The following GNA13 variants were observed in gnomAD, a reference collection of about 807,000 sequenced individuals.
GNA13 encodes the protein G protein subunit alpha 13.
GNA13 carries 4 observed loss-of-function variants against 33.5 expected under a neutral mutation model. That is an observed-to-expected ratio of 0.12 (90% CI 0.06 to 0.27). The LOEUF (loss-of-function observed/expected upper bound fraction) is 0.27. Ranked by LOEUF, GNA13 falls within the 10% of genes least tolerant of loss-of-function variation. GNA13 has a pLI of 1.00. For missense variants in GNA13, 319 were observed against 487.2 expected (o/e 0.65, Z 3.25); for synonymous variants, 176 against 183.8 (o/e 0.96, Z 0.34).
intron 2 of GNA13, among the ~76,000 whole-genome samples, chr17:65,033,460 C>A (rs1271567949): frequency 6.6e-6 from 1 of 151,638 alleles, no homozygotes; most frequent in Non-Finnish European, 1.5e-5. Flanking sequence ...GCACTCCAGC[C>A]TGGGTGACAA....
At position 65,031,858 on chromosome 17, in the gene GNA13, G is replaced by A. The variant is rs569042610; in HGVS notation, c.511-13555C>T. Among the ~76,000 whole-genome samples, 233 of 115,000 alleles carry A rather than the reference G, an allele frequency of 2.0e-3. 3 individuals carry two copies. The highest frequency in any genetic ancestry group is 6.7e-3 in the African/African-American group (222 of 32,956). 75.4% of individuals were successfully genotyped at this position (115,000 alleles called of 152,430 possible). ...GAGCCCAGGAGTTCTACACCAACCCGGACAACATAGAGAGAGAGAGAGAGA... is the reference window on the plus strand; with the variant it reads ...GAGCCCAGGAGTTCTACACCAACCCAGACAACATAGAGAGAGAGAGAGAGA... On this transcript the variant is annotated intron_variant, in intron 2 of 3. Transcript: ENST00000439174.
chr17:65,014,871 G>T lies in GNA13; in HGVS notation c.562-42C>A. On this transcript the variant is annotated intron_variant, in intron 3 of 3. Transcript: ENST00000439174. The surrounding 1 kb of genome is among the most constrained non-coding windows in gnomAD (Gnocchi z 5.3). The stretch of plus-strand genomic sequence containing the variant: ...TTGTTTTATACCTATTAATCCCGAA[G>T]TAATGCGAATTTTTAATGGACTACT... 8.0e-7 allele frequency: 1 copy of T among 1,257,688 alleles called. No individual in the cohort carries two copies. The highest frequency in any genetic ancestry group is 1.3e-5 in the South Asian group (1 of 75,336). The allele number at this position is 1,257,688 out of a possible 1,614,324, so 77.9% of individuals were successfully genotyped here.
chr17:65,020,456 T>C (rs1050417874), intron 2 of GNA13, among the ~76,000 whole-genome samples: 9 of 152,190 alleles, frequency 5.9e-5, no homozygotes, highest in African/African-American at 2.2e-4. Flanking sequence ...TCTCCTTTCC[T>C]CATAGGCCAT....
At chr17:65,034,012 CAAAAAAAAAAAAA>C (rs780895691) in intron 2 of GNA13, among the ~76,000 whole-genome samples, 15 of 50,078 alleles carry the variant, frequency 3.0e-4, no homozygotes, top group South Asian at 1.3e-3. Context: ...GACTCCGTCT[CAAAAAAAAAAAAA>C]AAAAAAAAAA....
intron 2 of GNA13, among the ~76,000 whole-genome samples, chr17:65,044,999 C>T (rs181509325): frequency 4.0e-5 from 6 of 148,738 alleles, no homozygotes; most frequent in East Asian, 2.0e-4. Context: ...GCCAAGATCA[C>T]GCCACTGCAC....
At chr17:65,044,015 G>C (rs765538333) in intron 2 of GNA13, among the ~76,000 whole-genome samples, 34 of 152,314 alleles carry the variant, frequency 2.2e-4, no homozygotes, top group South Asian at 4.1e-4. Context: ...TCAGCTACTC[G>C]GGAGATTGAG....
rs767856252 is a variant in GNA13 at position 65,013,923 on chromosome 17, T to C, written c.*334A>G. The C allele has an allele frequency of 4.6e-5, 14 of 305,624 alleles. No individual in the cohort carries two copies. The highest frequency in any genetic ancestry group is 2.3e-4 in the African/African-American group (11 of 47,702). 18.9% of individuals were successfully genotyped at this position (305,624 alleles called of 1,614,324 possible). On this transcript the variant is annotated 3_prime_UTR_variant, in exon 4 of 4. Coordinates refer to ENST00000439174, the MANE Select transcript of GNA13 (RefSeq NM_006572.6). ...AAGTATTTAAGGACACCTTTGATAC[T>C]TGGCACTGCAGGAGAATTCAGTTTG...
intron 2 of GNA13, among the ~76,000 whole-genome samples, chr17:65,037,906 T>C (rs1052591299): frequency 1.6e-4 from 24 of 150,334 alleles, no homozygotes; most frequent in African/African-American, 2.7e-4. Context: ...AGACATTAAA[T>C]ATCTCCTAGA....
At chr17:65,050,976 C>T (rs1266181823) in intron 2 of GNA13, among the ~76,000 whole-genome samples, 2 of 152,100 alleles carry the variant, frequency 1.3e-5, no homozygotes, top group South Asian at 2.1e-4. Context: ...TTTACCTATT[C>T]GTTCTTAATC....
intron 2 of GNA13, among the ~76,000 whole-genome samples, chr17:65,028,260 G>A (rs868806903): frequency 6.6e-6 from 1 of 151,706 alleles, no homozygotes; most frequent in South Asian, 2.1e-4. Context: ...CAAACATTAG[G>A]CGGGCATAGT....
intron 2 of GNA13, among the ~76,000 whole-genome samples, chr17:65,021,673 G>C (rs1248780762): frequency 6.6e-6 from 1 of 152,198 alleles, no homozygotes; most frequent in Non-Finnish European, 1.5e-5. Flanking sequence ...CTGATCTGCT[G>C]TTTTAGAACA....
intron 2 of GNA13, among the ~76,000 whole-genome samples, chr17:65,034,942 C>T (rs768764299): frequency 6.6e-6 from 1 of 152,156 alleles, no homozygotes; most frequent in Non-Finnish European, 1.5e-5. Context: ...TGTAACACCA[C>T]GCCTGGCTAA....
intron 2 of GNA13, among the ~76,000 whole-genome samples, chr17:65,033,311 C>T (rs1907119339): frequency 6.7e-6 from 1 of 149,078 alleles, no homozygotes; most frequent in Non-Finnish European, 1.5e-5. Flanking sequence ...AAAGCAAGAC[C>T]CCATCTCTAA....
In GNA13 at chr17:65,041,510, A is replaced by AT. The variant is rs201936527; in HGVS notation, c.510+11991_510+11992insA. 3.3e-3 allele frequency among the ~76,000 whole-genome samples: 504 copies of AT among 152,150 alleles called. 1 individual carries two copies. The highest frequency in any genetic ancestry group is 0.011 in the African/African-American group (476 of 41,456). Reference sequence around the variant, plus strand: ...AAAAAACATGGAATCTAAAAAAAAAAATATATATGTATTTTGTGAACATAT... The same window carrying AT: ...AAAAAACATGGAATCTAAAAAAAAAATATATATATGTATTTTGTGAACATAT... On this transcript the variant is annotated intron_variant, in intron 2 of 3. Transcript: ENST00000439174.
At chr17:65,034,012 C>CAAAAAAAA (rs780895691) in intron 2 of GNA13, among the ~76,000 whole-genome samples, 11 of 50,080 alleles carry the variant, frequency 2.2e-4, no homozygotes, top group Non-Finnish European at 3.5e-4. Flanking sequence ...GACTCCGTCT[C>CAAAAAAAA]AAAAAAAAAA....
intron 2 of GNA13, among the ~76,000 whole-genome samples, chr17:65,022,603 C>A (rs1371291235): frequency 1.3e-5 from 2 of 152,102 alleles, no homozygotes; most frequent in Non-Finnish European, 2.9e-5. Context: ...TTTCTTCAAT[C>A]CTCCCAACCC....
Position 65,014,421 on chromosome 17 carries a change from T to C in GNA13, c.970A>G (p.Lys324Glu). ...TTCCGGAAACATTCCACCAGGAATTTTTGGACGTCTCTTAAGCAGTGGGGA... is the reference window on the plus strand; with the variant it reads ...TTCCGGAAACATTCCACCAGGAATTCTTGGACGTCTCTTAAGCAGTGGGGA... Reference protein sequence around the residue: ...GDPHCLRDVQKFLVECFRNKR... With the variant: ...GDPHCLRDVQEFLVECFRNKR... The change falls in exon 4 of 4, where the codon AAA (lysine) becomes GAA (glutamate). Residue 324 changes from lysine (K) to glutamate (E), a missense_variant. Lys to Glu is a moderately conservative substitution (Grantham distance 56). This residue lies in a region of GNA13 where 134 missense variants were observed against 241.3 expected (regional missense o/e 0.56). Coordinates refer to ENST00000439174, the MANE Select transcript of GNA13 (RefSeq NM_006572.6). The surrounding 1 kb of genome is among the most constrained non-coding windows in gnomAD (Gnocchi z 5.3). 6.2e-7 allele frequency: 1 copy of C among 1,614,168 alleles called. No individual in the cohort carries two copies. The highest frequency in any genetic ancestry group is 8.5e-7 in the Non-Finnish European group (1 of 1,180,040).
intron 2 of GNA13, among the ~76,000 whole-genome samples, chr17:65,019,798 T>A (rs1036262038): frequency 2.0e-5 from 3 of 152,206 alleles, no homozygotes; most frequent in African/African-American, 7.2e-5. Flanking sequence ...ATAATTTAAG[T>A]GTACATTTAG....
intron 2 of GNA13, among the ~76,000 whole-genome samples, chr17:65,042,085 G>T (rs1013024989): frequency 6.6e-6 from 1 of 152,032 alleles, no homozygotes; most frequent in Non-Finnish European, 1.5e-5. Context: ...CCAGCCAGCC[G>T]CGGTGGCTCA....
Sources: allele counts gnomAD v4.1 joint callset (sites outside exome capture counted in the v4.1 genomes callset), GRCh38; gene constraint gnomAD v4.1.1; regional missense constraint gnomAD v4.1.1; non-coding constraint Gnocchi (gnomAD v3.1); transcripts MANE v1.5; gene names NCBI Gene and HGNC (gene_info 2026-07-23, HGNC 2026-07-21).